The following SLCO1B1 variants were observed in gnomAD, a reference collection of about 807,000 sequenced individuals.
The protein encoded by SLCO1B1 is OATP-2.
SLCO1B1 carries 81 observed loss-of-function variants against 70.1 expected under a neutral mutation model. The observed-to-expected ratio is 1.16, with a 90% CI of 0.97 to 1.39. The LOEUF is 1.39. SLCO1B1 is among the 40% of genes most tolerant of loss of function. The pLI, the probability that SLCO1B1 is intolerant of heterozygous loss-of-function variation, is 0.00. For missense variants in SLCO1B1, 895 were observed against 799.6 expected (o/e 1.12, Z -1.44); for synonymous variants, 283 against 271.5 (o/e 1.04, Z -0.42).
intron 2 of SLCO1B1, among the ~76,000 whole-genome samples, chr12:21,143,784 G>C (rs933445425): frequency 6.6e-6 from 1 of 151,882 alleles, no homozygotes; most frequent in Admixed American, 6.6e-5. Flanking sequence ...TTTTATAAGT[G>C]GTGTCTTTAA....
chr12:21,222,424 A>ATATATATATG (rs1941439228), intron 13 of SLCO1B1, 60 bp downstream of exon 13: 1 of 174,576 alleles, frequency 5.7e-6, no homozygotes, highest in Non-Finnish European at 9.7e-6. Flanking sequence ...ATATATATAT[A>ATATATATATG]TATACACACA....
chr12:21,202,161 A>G (rs1025844961), intron 9 of SLCO1B1, among the ~76,000 whole-genome samples: 1 of 152,160 alleles, frequency 6.6e-6, no homozygotes, highest in Non-Finnish European at 1.5e-5. Context: ...TTGAACAATG[A>G]GAACACATGG....
At chr12:21,219,041 G>C (rs1213501772) in intron 12 of SLCO1B1, among the ~76,000 whole-genome samples, 1 of 152,168 alleles carries the variant, frequency 6.6e-6, no homozygotes, top group African/African-American at 2.4e-5. Context: ...CACTGAGGAT[G>C]CAACTGTGAA....
At chr12:21,214,725 C>T (rs924057721) in intron 11 of SLCO1B1, among the ~76,000 whole-genome samples, 5 of 152,142 alleles carry the variant, frequency 3.3e-5, no homozygotes, top group South Asian at 2.1e-4. Flanking sequence ...ACTCCATGGG[C>T]GTAGGACCCT....
At chr12:21,224,574 T>C in intron 13 of SLCO1B1, 148 bp from the exon 14 acceptor site, 1 of 619,854 alleles carries the variant, frequency 1.6e-6, no homozygotes, top group Non-Finnish European at 2.9e-6. Context: ...TAATAATCTT[T>C]ATTATTGGGT....
At chr12:21,138,964 C>G (rs1940268869) in intron 1 of SLCO1B1, among the ~76,000 whole-genome samples, 1 of 151,994 alleles carries the variant, frequency 6.6e-6, no homozygotes, top group Non-Finnish European at 1.5e-5. Context: ...TTAAAGGGAT[C>G]TTTGAAAGAT....
At chr12:21,177,790 T>C (rs1940840428) in intron 5 of SLCO1B1, among the ~76,000 whole-genome samples, 1 of 152,102 alleles carries the variant, frequency 6.6e-6, no homozygotes, top group Non-Finnish European at 1.5e-5. Flanking sequence ...CATAAGATAC[T>C]GAATAAACAC....
chr12:21,217,560 TTC>T (rs2121180618), intron 12 of SLCO1B1, among the ~76,000 whole-genome samples: 1 of 152,274 alleles, frequency 6.6e-6, no homozygotes, highest in African/African-American at 2.4e-5. Flanking sequence ...AGACTGACAA[TTC>T]TCTCAGTTGT....
chr12:21,152,102 G>C (rs899665195), intron 2 of SLCO1B1, among the ~76,000 whole-genome samples: 1 of 151,572 alleles, frequency 6.6e-6, no homozygotes, highest in African/African-American at 2.4e-5. Context: ...TTGCTTTTTA[G>C]TTTTGCAGAT....
intron 14 of SLCO1B1, among the ~76,000 whole-genome samples, chr12:21,231,715 CATGTATATATGTGT>C (rs1391114509): frequency 6.6e-6 from 1 of 151,326 alleles, no homozygotes; most frequent in Non-Finnish European, 1.5e-5. Flanking sequence ...GCTATATATA[CATGTATATATGTGT>C]ATGTATATAT....
intron 11 of SLCO1B1, among the ~76,000 whole-genome samples, chr12:21,215,274 T>G (rs935308085): frequency 2.0e-5 from 3 of 152,236 alleles, no homozygotes; most frequent in African/African-American, 7.2e-5. Flanking sequence ...AGAAGAATGC[T>G]TCCAGCTTTT....
chr12:21,176,373 C>T (rs766772705), intron 4 of SLCO1B1, among the ~76,000 whole-genome samples: 4 of 151,902 alleles, frequency 2.6e-5, no homozygotes, highest in Non-Finnish European at 4.4e-5. Flanking sequence ...TACATTAGAG[C>T]GTGTGTGTGA....
In SLCO1B1 at chr12:21,197,181, T is replaced by C; in HGVS notation, c.963T>C (p.Asn321=). The part of the protein sequence containing the change: ...LTNQGKNITK[N]VTGFFQSFKS... ...ATCAAGGAAAAAATATTACCAAAAA[T>C]GTGACTGGTAAGTATTTAACATTCA... The change falls in exon 8 of 15, where the codon AAT becomes AAC. Residue 321 remains asparagine, a synonymous_variant. Transcript: ENST00000256958. 1.2e-6 allele frequency: 2 copies of C among 1,613,004 alleles called. No homozygotes were observed. Among genetic ancestry groups the C allele is most frequent in the East Asian group, 4.5e-5 (2 of 44,816 alleles).
intron 14 of SLCO1B1, among the ~76,000 whole-genome samples, chr12:21,235,297 C>T (rs1941585921): frequency 6.6e-6 from 1 of 150,956 alleles, no homozygotes; most frequent in East Asian, 1.9e-4. Context: ...TTATGTAATG[C>T]ACTTACTTGG....
At chr12:21,131,883 A>T (rs1370616881) in intron 1 of SLCO1B1, among the ~76,000 whole-genome samples, 1 of 152,104 alleles carries the variant, frequency 6.6e-6, no homozygotes, top group Non-Finnish European at 1.5e-5. Flanking sequence ...CATGTGCACA[A>T]CATGCAGGTT....
intron 7 of SLCO1B1, among the ~76,000 whole-genome samples, chr12:21,188,733 A>G (rs1464382137): frequency 1.3e-5 from 2 of 152,170 alleles, no homozygotes; most frequent in Non-Finnish European, 2.9e-5. Flanking sequence ...GCAGAACTGC[A>G]TAACTGAAAC....
At chr12:21,201,958 C>T (rs1375079503) in intron 9 of SLCO1B1, among the ~76,000 whole-genome samples, 4 of 152,080 alleles carry the variant, frequency 2.6e-5, no homozygotes, top group African/African-American at 9.7e-5. Flanking sequence ...TGGAACCAAC[C>T]CAAATGACCA....
intron 1 of SLCO1B1, among the ~76,000 whole-genome samples, chr12:21,136,263 A>AT (rs1320008883): frequency 6.6e-5 from 10 of 151,572 alleles, no homozygotes; most frequent in Non-Finnish European, 1.5e-4. Context: ...TGCCCTTAAT[A>AT]TTTTTTCCTT....
intron 11 of SLCO1B1, 128 bp downstream of exon 11, chr12:21,206,161 C>G: frequency 1.3e-6 from 1 of 798,404 alleles, no homozygotes; most frequent in African/African-American, 1.7e-5. Context: ...CCAGTATTAT[C>G]TGTTATTGTG....
Sources: allele counts gnomAD v4.1 joint callset (sites outside exome capture counted in the v4.1 genomes callset), GRCh38; gene constraint gnomAD v4.1.1; transcripts MANE v1.5; gene names NCBI Gene and HGNC (gene_info 2026-07-23, HGNC 2026-07-21).